The following PPP2R5E variants were observed in gnomAD, a reference collection of about 807,000 sequenced individuals.
PPP2R5E encodes protein phosphatase 2 regulatory subunit B'epsilon.
In PPP2R5E, 4 loss-of-function variants were observed where a neutral mutation model predicts 65.3. The observed-to-expected ratio is 0.06, with a 90% CI of 0.03 to 0.14. The LOEUF is 0.14. PPP2R5E is among the 10% of genes least tolerant of loss of function. The pLI is 1.00. For missense variants in PPP2R5E, 274 were observed against 556.1 expected, an observed-to-expected ratio of 0.49 and a Z score of 5.10; for synonymous variants, 183 against 187.4, an observed-to-expected ratio of 0.98 and a Z score of 0.19.
intron 2 of PPP2R5E, among the ~76,000 whole-genome samples, chr14:63,515,915 T>C (rs1285459217): frequency 2.0e-5 from 3 of 149,738 alleles, no homozygotes; most frequent in Admixed American, 6.7e-5. Flanking sequence ...AGTGGTGCAA[T>C]CTTGGCTCAC....
intron 2 of PPP2R5E, among the ~76,000 whole-genome samples, chr14:63,467,855 T>A (rs1889916035): frequency 6.6e-6 from 1 of 152,196 alleles, no homozygotes; most frequent in Non-Finnish European, 1.5e-5. Flanking sequence ...CAGTATAGTG[T>A]GACAGCTAAG....
At chr14:63,388,060 G>C (rs1396249693) in intron 11 of PPP2R5E, among the ~76,000 whole-genome samples, 2 of 151,994 alleles carry the variant, frequency 1.3e-5, no homozygotes, top group Non-Finnish European at 2.9e-5. Context: ...ACAAAGACAT[G>C]GCCTCTCTTT....
At chr14:63,506,605 C>T (rs911985660) in intron 2 of PPP2R5E, among the ~76,000 whole-genome samples, 4 of 152,130 alleles carry the variant, frequency 2.6e-5, no homozygotes, top group African/African-American at 9.7e-5. Flanking sequence ...ATGCAAATCA[C>T]ACCCAATAAG....
At chr14:63,439,274 T>C (rs565217743) in intron 3 of PPP2R5E, among the ~76,000 whole-genome samples, 5 of 152,194 alleles carry the variant, frequency 3.3e-5, no homozygotes, top group East Asian at 1.9e-4. Context: ...TATAGAGTTA[T>C]AGTATAATAA....
At chr14:63,392,695 C>A (rs952028953) in intron 8 of PPP2R5E, among the ~76,000 whole-genome samples, 1 of 152,186 alleles carries the variant, frequency 6.6e-6, no homozygotes, top group African/African-American at 2.4e-5. Flanking sequence ...CGCAAAAGAA[C>A]ATTTTGATGG....
chr14:63,422,234 T>C (rs774189373), intron 3 of PPP2R5E, 140 bp from the exon 4 acceptor site: 12 of 685,586 alleles, frequency 1.8e-5, no homozygotes, highest in Non-Finnish European at 2.5e-5. Flanking sequence ...CCTCTTTCTA[T>C]AGGCTCTGAG....
chr14:63,444,780 T>C (rs901369388), intron 3 of PPP2R5E, among the ~76,000 whole-genome samples: 3 of 152,116 alleles, frequency 2.0e-5, no homozygotes, highest in African/African-American at 7.2e-5. Flanking sequence ...AAAAAAAATA[T>C]GCCTCAGGGA....
At chr14:63,438,667 T>G (rs975362113) in intron 3 of PPP2R5E, among the ~76,000 whole-genome samples, 6 of 152,184 alleles carry the variant, frequency 3.9e-5, no homozygotes, top group Non-Finnish European at 8.8e-5. Flanking sequence ...TATTAAAAAC[T>G]CTGAACAACC....
intron 13 of PPP2R5E, 65 bp from the exon 14 acceptor site, chr14:63,376,173 T>C: frequency 1.7e-6 from 2 of 1,184,490 alleles, no homozygotes; most frequent in Non-Finnish European, 2.5e-6. Flanking sequence ...ACAATGAATA[T>C]TTTACAATTT....
chr14:63,374,634 G>GATTATATATAT lies in PPP2R5E; in HGVS notation c.*1374_*1375insATATATATAAT, dbSNP rs1555353678. ...TAAATACAAAGCAGAGAGCCAATAA[G>GATTATATATAT]ATATATATATATATATATATATATA... On this transcript the variant is annotated 3_prime_UTR_variant, in exon 14 of 14. Transcript: ENST00000337537. The GATTATATATAT allele has an allele frequency of 6.7e-4, 73 of 109,564 alleles. 2 individuals carry two copies. Among genetic ancestry groups the GATTATATATAT allele is most frequent in the African/African-American group, 3.3e-3 (68 of 20,664 alleles). The allele number at this position is 109,564 out of a possible 1,614,324, so 6.8% of individuals were successfully genotyped here. A position where few individuals can be genotyped will look rare whatever the true frequency, so the allele number is the denominator to read the frequency against.
intron 2 of PPP2R5E, among the ~76,000 whole-genome samples, chr14:63,500,604 C>G (rs1231449936): frequency 6.6e-6 from 1 of 152,110 alleles, no homozygotes; most frequent in Non-Finnish European, 1.5e-5. Context: ...GTGGGCACAG[C>G]GGGCTTTGGG....
At chr14:63,450,782 A>G (rs1888780373) in intron 3 of PPP2R5E, among the ~76,000 whole-genome samples, 1 of 152,124 alleles carries the variant, frequency 6.6e-6, no homozygotes, top group Non-Finnish European at 1.5e-5. Flanking sequence ...GACAAAAAAA[A>G]AAAAAAGGAG....
intron 3 of PPP2R5E, among the ~76,000 whole-genome samples, chr14:63,431,530 G>GTAGA: frequency 6.6e-6 from 1 of 152,154 alleles, no homozygotes; most frequent in Non-Finnish European, 1.5e-5. Flanking sequence ...TATCACAAAT[G>GTAGA]TAGATCTCAG....
At chr14:63,458,031 T>C (rs911138317) in intron 2 of PPP2R5E, among the ~76,000 whole-genome samples, 19 of 152,214 alleles carry the variant, frequency 1.2e-4, no homozygotes, top group African/African-American at 4.1e-4. Flanking sequence ...TTTTCATCAA[T>C]AAGCAGGGGA....
At chr14:63,529,420 G>C (rs989583946) in intron 2 of PPP2R5E, among the ~76,000 whole-genome samples, 1 of 148,902 alleles carries the variant, frequency 6.7e-6, no homozygotes, top group Non-Finnish European at 1.5e-5. Context: ...GAGTGCAGTG[G>C]CGCAATCTTG....
At chr14:63,475,411 T>C (rs1357339993) in intron 2 of PPP2R5E, among the ~76,000 whole-genome samples, 1 of 152,240 alleles carries the variant, frequency 6.6e-6, no homozygotes, top group Non-Finnish European at 1.5e-5. Flanking sequence ...GCAGTCTAAG[T>C]CCTGGCCTGT....
In PPP2R5E at chr14:63,393,802, T is replaced by C. The variant is rs777121576; in HGVS notation, c.849+18A>G. 1 of 1,465,584 alleles carries C rather than the reference T, an allele frequency of 6.8e-7. No individual in the cohort carries two copies. Among genetic ancestry groups the C allele is most frequent in the Non-Finnish European group, 9.4e-7 (1 of 1,060,308 alleles). 90.8% of individuals were successfully genotyped at this position (1,465,584 alleles called of 1,614,324 possible). On this transcript the variant is annotated intron_variant, in intron 8 of 13. Coordinates refer to ENST00000337537, the MANE Select transcript of PPP2R5E (RefSeq NM_006246.5). ...TTTTTATTTTGCTTCTAAAAGTAGTTGTACAAAATCCTCCTACCTGTGCAT... is the reference window on the plus strand; with the variant it reads ...TTTTTATTTTGCTTCTAAAAGTAGTCGTACAAAATCCTCCTACCTGTGCAT...
chr14:63,388,125 T>TC (rs1884784345), intron 11 of PPP2R5E, among the ~76,000 whole-genome samples: 1 of 149,060 alleles, frequency 6.7e-6, no homozygotes, highest in African/African-American at 2.5e-5. Context: ...TTTTTTTTTT[T>TC]CTCCTTTCTT....
In PPP2R5E at chr14:63,376,114, GAAGA is replaced by G. The variant is rs772459933; in HGVS notation, c.1305-10_1305-7del. On this transcript the variant is annotated splice_polypyrimidine_tract_variant and splice_region_variant and intron_variant, in intron 13 of 13. Transcript: ENST00000337537. ...CCTTTTCTTTCTTTTTCTCACTGAG[GAAGA>G]AACAGAATACAATGTAAACAGCTGA... is the stretch of plus-strand genomic sequence containing the variant. 6.4e-7 allele frequency: 1 copy of G among 1,554,812 alleles called. No individual in the cohort carries two copies. The highest frequency in any genetic ancestry group is 2.3e-5 in the East Asian group (1 of 44,412).
Sources: gnomAD v4.1 joint callset for allele counts (sites outside exome capture counted in the v4.1 genomes callset) on GRCh38, gnomAD v4.1.1 for gene constraint, MANE v1.5 for transcripts, NCBI Gene and HGNC (gene_info 2026-07-23, HGNC 2026-07-21) for gene names.